DENND4C: variants seen among roughly 807,000 people sequenced by gnomAD.
DENND4C encodes the protein DENN domain-containing protein 4C.
Under a neutral mutation model 203.0 loss-of-function variants are expected in DENND4C, and 108 were observed. The ratio of observed to expected loss-of-function variants is 0.53; its 90% CI spans 0.46 to 0.62. The LOEUF (loss-of-function observed/expected upper bound fraction) is 0.62. Among genes scored for constraint, DENND4C ranks in the 20% least tolerant of loss-of-function variants. The pLI is 0.00. For missense variants in DENND4C, 2,481 were observed against 2,301.2 expected (o/e 1.08, Z -1.60); for synonymous variants, 871 against 792.4 (o/e 1.10, Z -1.67).
chr9:19,269,308 C>T lies in DENND4C; in HGVS notation c.-17-6850C>T, dbSNP rs959620572. Among the ~76,000 whole-genome samples, 22 of 152,154 alleles carry T rather than the reference C, an allele frequency of 1.4e-4. 2 individuals carry two copies. Among genetic ancestry groups the T allele is most frequent in the Admixed American group, 4.6e-4 (7 of 15,260 alleles). On this transcript the variant is annotated intron_variant, in intron 1 of 32. Coordinates refer to ENST00000434457, the MANE Select transcript of DENND4C (RefSeq NM_001330640.2). ...CCCGAGTAGCTGGAATTACAGGTGC[C>T]CGCTACCATGCCCGGCTAATTTGTA... is the stretch of plus-strand genomic sequence containing the variant.
chr9:19,333,445 A>T (rs1426046951), intron 17 of DENND4C, among the ~76,000 whole-genome samples: 1 of 152,102 alleles, frequency 6.6e-6, no homozygotes, highest in African/African-American at 2.4e-5. Flanking sequence ...ATTGTGTAGG[A>T]TGTTTAGTAG....
intron 2 of DENND4C, among the ~76,000 whole-genome samples, chr9:19,279,434 G>C (rs560818078): frequency 1.3e-5 from 2 of 152,056 alleles, no homozygotes; most frequent in Non-Finnish European, 1.5e-5. Flanking sequence ...CAGCACTTTG[G>C]GAGGCGGAGG....
intron 1 of DENND4C, among the ~76,000 whole-genome samples, chr9:19,237,284 G>C (rs1822212816): frequency 6.6e-6 from 1 of 152,288 alleles, no homozygotes; most frequent in Admixed American, 6.5e-5. Context: ...CTTCCAGAGT[G>C]CTGGGATTAC....
At position 19,352,094 on chromosome 9, in the gene DENND4C, G is replaced by T. The variant is rs201875776; in HGVS notation, c.4517G>T (p.Gly1506Val). Reference sequence around the variant, plus strand: ...GTAGGTGAAGTTCCATTTCCAAGAGGCATGAAAGGGCAAGACTTTGAAAAA... The same window carrying T: ...GTAGGTGAAGTTCCATTTCCAAGAGTCATGAAAGGGCAAGACTTTGAAAAA... The part of the protein sequence containing the change: ...YPTGEVPFPR[G>V]MKGQDFEKSD... The change falls in exon 25 of 33, where the codon GGC becomes GTC. Residue 1506 changes from glycine to valine, a missense_variant. By Grantham distance (109) the Gly-to-Val change is moderately radical. Coordinates refer to ENST00000434457, the MANE Select transcript of DENND4C (RefSeq NM_001330640.2). 32 of 1,613,714 alleles carry T rather than the reference G, an allele frequency of 2.0e-5. 1 individual carries two copies. In the East Asian group the frequency reaches 6.5e-4, roughly 33 times the overall value.
intron 26 of DENND4C, among the ~76,000 whole-genome samples, chr9:19,355,279 T>C (rs1374077298): frequency 6.6e-6 from 1 of 152,216 alleles, no homozygotes; most frequent in Non-Finnish European, 1.5e-5. Context: ...TTGATATTAA[T>C]TACTTGAAAG....
intron 1 of DENND4C, among the ~76,000 whole-genome samples, chr9:19,275,082 A>C (rs568821574): frequency 2.0e-5 from 3 of 151,512 alleles, no homozygotes; most frequent in South Asian, 4.2e-4. Context: ...GGTTCAAGCG[A>C]TTCTCCTGCC....
chr9:19,315,155 C>CA (rs10623955), intron 10 of DENND4C, among the ~76,000 whole-genome samples: 61,796 of 119,236 alleles, frequency 0.52, 16,399 homozygotes, highest in South Asian at 0.63. Flanking sequence ...GACTCCGTCT[C>CA]AAAAAAAAAA....
chr9:19,256,423 T>A (rs914930688), intron 1 of DENND4C, among the ~76,000 whole-genome samples: 9 of 150,518 alleles, frequency 6.0e-5, no homozygotes, highest in African/African-American at 2.2e-4. Flanking sequence ...TTCAAGCGAT[T>A]CTCCTGTCGC....
In DENND4C at chr9:19,320,883, TG is replaced by T. The variant is rs1842771087; in HGVS notation, c.1808-3477del. On this transcript the variant is annotated intron_variant, in intron 12 of 32. Transcript: ENST00000434457. ...AAAGAAAGCCTTTCATTATAACTTGTGGAGAATAATTTATTTCTATTTTATT... is the reference window on the plus strand; with the variant it reads ...AAAGAAAGCCTTTCATTATAACTTGTGAGAATAATTTATTTCTATTTTATT... Among the ~76,000 whole-genome samples, 3 of 152,230 alleles carry T rather than the reference TG, an allele frequency of 2.0e-5. No individual in the cohort carries two copies. The South Asian group carries it at 6.2e-4, about 31-fold the overall frequency.
At chr9:19,292,227 A>T (rs1769921009) in intron 5 of DENND4C, 2 of 151,194 alleles carry the variant, frequency 1.3e-5, no homozygotes, top group Admixed American at 6.6e-5. Context: ...ACAGGATTTC[A>T]CCCTGTTGGT....
intron 1 of DENND4C, among the ~76,000 whole-genome samples, chr9:19,259,347 G>C (rs1324829502): frequency 2.0e-5 from 3 of 152,030 alleles, no homozygotes; most frequent in Non-Finnish European, 4.4e-5. Context: ...AGTAAGTGAA[G>C]TGAAAACGTG....
In DENND4C at chr9:19,372,551, C is replaced by A; in HGVS notation, c.*378C>A. The A allele has an allele frequency of 6.2e-6, 1 of 162,292 alleles. No homozygotes were observed. The highest frequency in any genetic ancestry group is 1.3e-5 in the Non-Finnish European group (1 of 74,622). The allele number at this position is 162,292 out of a possible 1,614,324, so 10.1% of individuals were successfully genotyped here. ...TGGCAAATTAAATTTGCCTAACCCC[C>A]AAAACAAATGAAATATCTCAATTAT... On this transcript the variant is annotated 3_prime_UTR_variant, in exon 33 of 33. Transcript: ENST00000434457.
At chr9:19,278,820 A>G (rs1311567397) in intron 2 of DENND4C, among the ~76,000 whole-genome samples, 3 of 152,166 alleles carry the variant, frequency 2.0e-5, no homozygotes, top group South Asian at 4.1e-4. Flanking sequence ...TTAGAAAGAC[A>G]GGGTTCAGAA....
chr9:19,281,813 G>A (rs1834102291), intron 2 of DENND4C, among the ~76,000 whole-genome samples: 1 of 152,188 alleles, frequency 6.6e-6, no homozygotes, highest in Admixed American at 6.5e-5. Context: ...TTCTTAGGCT[G>A]CAAACCTGTA....
chr9:19,324,251 A>G, intron 12 of DENND4C, 111 bp from the exon 13 acceptor site: 1 of 690,444 alleles, frequency 1.4e-6, no homozygotes, highest in Non-Finnish European at 2.2e-6. Flanking sequence ...ATATGGATAT[A>G]TATATGTATA....
intron 23 of DENND4C, among the ~76,000 whole-genome samples, 157 bp downstream of exon 23, chr9:19,347,243 G>T (rs1180460882): frequency 3.3e-5 from 5 of 152,190 alleles, no homozygotes. Flanking sequence ...GGCTTTGAGC[G>T]ATTCTCTTGC....
At chr9:19,243,946 G>T (rs1258346635) in intron 1 of DENND4C, among the ~76,000 whole-genome samples, 1 of 152,144 alleles carries the variant, frequency 6.6e-6, no homozygotes, top group Non-Finnish European at 1.5e-5. Context: ...GAGTAGCTGG[G>T]ACTGTGGGTT....
At chr9:19,308,349 T>G (rs188279493) in intron 10 of DENND4C, among the ~76,000 whole-genome samples, 1 of 152,310 alleles carries the variant, frequency 6.6e-6, no homozygotes, top group East Asian at 1.9e-4. Context: ...TGTGGTGACT[T>G]TTAAATTTTT....
Position 19,322,543 on chromosome 9 carries a change from C to T in DENND4C, c.1808-1819C>T, listed in dbSNP as rs568943797. Among the ~76,000 whole-genome samples, 6 of 152,000 alleles carry T rather than the reference C, an allele frequency of 3.9e-5. No homozygotes were observed. The South Asian group carries it at 1.0e-3, about 26-fold the overall frequency. On this transcript the variant is annotated intron_variant, in intron 12 of 32. Coordinates refer to ENST00000434457, the MANE Select transcript of DENND4C (RefSeq NM_001330640.2). The stretch of plus-strand genomic sequence containing the variant: ...TTCGGAGGCCGAGGTGGGCGGATCA[C>T]GAGGTCAGGAGATGGAGACCATCCT...
Sources: allele counts gnomAD v4.1 joint callset (sites outside exome capture counted in the v4.1 genomes callset), GRCh38; gene constraint gnomAD v4.1.1; transcripts MANE v1.5; gene names NCBI Gene and HGNC (gene_info 2026-07-23, HGNC 2026-07-21).